Variants in STAB1 observed in about 807,000 individuals in gnomAD.
STAB1 encodes the protein stabilin 1.
A neutral mutation model predicts 332.4 loss-of-function variants in STAB1; 250 were observed. The observed-to-expected ratio is 0.75, with a 90% CI of 0.68 to 0.84. STAB1 has a LOEUF of 0.84. STAB1 is among the 40% of genes least tolerant of loss of function. The probability of loss-of-function intolerance (pLI) is 0.00; values close to 1 mark genes in which losing one functional copy is unlikely to be tolerated. For missense variants in STAB1, 3,249 were observed against 3,489.7 expected, an observed-to-expected ratio of 0.93 and a Z score of 1.74; for synonymous variants, 1,475 against 1,390.4, an observed-to-expected ratio of 1.06 and a Z score of -1.35.
chr3:52,523,360 GGCAGA>G lies in STAB1; in HGVS notation c.7140+27_7140+31del. 6.2e-7 allele frequency: 1 copy of G among 1,609,168 alleles called. No individual in the cohort carries two copies. Among genetic ancestry groups the G allele is most frequent in the African/African-American group, 1.3e-5 (1 of 75,062 alleles). On this transcript the variant is annotated intron_variant, in intron 64 of 68. Coordinates refer to ENST00000321725, the MANE Select transcript of STAB1 (RefSeq NM_015136.3). ...CAACATGGTAACCCCCAAGGGTGTG[GGCAGA>G]GCAGAGCCTGCATTGGCCATCTCCA...
intron 5 of STAB1, 72 bp downstream of exon 5, chr3:52,502,300 C>T: frequency 6.7e-7 from 1 of 1,483,464 alleles, no homozygotes; most frequent in Non-Finnish European, 9.2e-7. Flanking sequence ...GTACCTACAA[C>T]CAGCTCCCAC....
chr3:52,510,644 C>A, intron 25 of STAB1, 137 bp downstream of exon 25: 2 of 1,167,440 alleles, frequency 1.7e-6, no homozygotes, highest in Non-Finnish European at 2.4e-6. Context: ...TGCTGACATG[C>A]TGAGTAGTAG....
rs762242623 is a variant in STAB1, at chr3:52,523,406, C to G, written c.7141-21C>G. 1.2e-5 allele frequency: 19 copies of G among 1,609,678 alleles called. No homozygotes were observed. In the East Asian group the frequency reaches 3.6e-4, roughly 30 times the overall value. On this transcript the variant is annotated intron_variant, in intron 64 of 68. Coordinates refer to ENST00000321725, the MANE Select transcript of STAB1 (RefSeq NM_015136.3). The stretch of plus-strand genomic sequence containing the variant: ...GCCATCTCCATCTGGCCCAGGCCAA[C>G]AGGCCTTGCTCTGCTCACAGACGCT...
chr3:52,501,047 GA>G, intron 1 of STAB1, 118 bp from the exon 2 acceptor site: 4 of 1,407,332 alleles, frequency 2.8e-6, no homozygotes, highest in Non-Finnish European at 3.9e-6. Context: ...TGCTTACTCT[GA>G]CCCCTGAGCA....
rs1259854422 is a variant in STAB1, at chr3:52,524,124, T to C, written c.7567T>C (p.Phe2523Leu). 3 of 1,613,708 alleles carry C rather than the reference T, an allele frequency of 1.9e-6. No individual in the cohort carries two copies. The highest frequency in any genetic ancestry group is 2.5e-6 in the Non-Finnish European group (3 of 1,180,042). ...FQAEDDADDD[F>L]SPWQEGTNPT... The stretch of plus-strand genomic sequence containing the variant: ...GGCGGAAGATGATGCTGATGACGAC[T>C]TCTCACCGTGGCAAGAAGGGACCAA... Residue 2523 changes from phenylalanine to leucine, a missense_variant, in exon 68 of 69, where the codon TTC (phenylalanine) becomes CTC (leucine). By Grantham distance (22) the Phe-to-Leu change is conservative. Transcript: ENST00000321725.
At chr3:52,518,659 T>G (rs573521992) in intron 47 of STAB1, 46 bp downstream of exon 47, 1 of 1,611,398 alleles carries the variant, frequency 6.2e-7, no homozygotes, top group Admixed American at 1.7e-5. Flanking sequence ...GGTGCTCTGG[T>G]GGTGGCCCTG....
rs777217264 is a variant in STAB1, at chr3:52,520,380, C to T, written c.5500-20C>T. On this transcript the variant is annotated intron_variant, in intron 52 of 68. Transcript: ENST00000321725. ...GAGTGCACCTGCGACCCTTGCATAC[C>T]TCATATTCTCTCCTTGCAGGGTGAG... 2.5e-6 allele frequency: 4 copies of T among 1,612,270 alleles called. No homozygotes were observed. In the South Asian group the frequency reaches 3.3e-5, roughly 13 times the overall value.
chr3:52,505,760 C>T lies in STAB1; in HGVS notation c.1674C>T (p.Arg558=). 1.2e-6 allele frequency: 2 copies of T among 1,613,856 alleles called. No individual in the cohort carries two copies. The highest frequency in any genetic ancestry group is 1.1e-5 in the South Asian group (1 of 91,090). The part of the protein sequence containing the change: ...NEAVDSLRDG[R]LIYLFTAGLS... ...CTGTGGACAGCTTGCGTGACGGCCG[C>T]CTGATCTACCTCTTCACAGCGGTAA... Residue 558 remains arginine (R), a synonymous_variant, in exon 15 of 69, where the codon CGC becomes CGT. Transcript: ENST00000321725.
Position 52,503,064 on chromosome 3 carries a change from T to A in STAB1, c.649T>A (p.Cys217Ser). ...NTQCSAEAPS[C>S]RCLPGYTQQG... is the part of the protein sequence containing the mutation. ...CCAGTGCTCCGCAGAGGCTCCCAGC[T>A]GCAGGTGCCTGCCCGGCTACACACA... The change falls in exon 7 of 69, where the codon TGC becomes AGC. Residue 217 changes from cysteine (C) to serine (S), a missense_variant. Physicochemically the swap from Cys to Ser is moderately radical, Grantham distance 112. Transcript: ENST00000321725. 1.9e-6 allele frequency: 3 copies of A among 1,602,620 alleles called. No individual in the cohort carries two copies. The South Asian group carries it at 3.4e-5, about 18-fold the overall frequency.
Position 52,522,047 on chromosome 3 carries a change from G to C in STAB1, c.6282G>C (p.Leu2094=). The change falls in exon 59 of 69, where the codon CTG becomes CTC. Residue 2094 remains leucine, a synonymous_variant. Coordinates refer to ENST00000321725, the MANE Select transcript of STAB1 (RefSeq NM_015136.3). ...GDGRVCTVAD[L]CQDGHGGCSE... ...CCTCCCTGCCCTCAGTGGCAGACCT[G>C]TGCCAGGACGGGCATGGTGGCTGCA... 1 of 1,613,378 alleles carries C rather than the reference G, an allele frequency of 6.2e-7. No homozygotes were observed. The highest frequency in any genetic ancestry group is 8.5e-7 in the Non-Finnish European group (1 of 1,179,962).
Position 52,506,838 on chromosome 3 carries a change from C to T in STAB1, c.1977C>T (p.His659=). ...ILPKHCSEEQ[H]KIVAGSCVDC... is the part of the protein sequence containing the mutation. ...CCAAGCACTGCAGCGAGGAGCAGCA[C>T]AAGATTGTGGCGGTGAGCCTCGCCT... Residue 659 remains histidine (H), a synonymous_variant, in exon 18 of 69, where the codon CAC becomes CAT. Coordinates refer to ENST00000321725, the MANE Select transcript of STAB1 (RefSeq NM_015136.3). 2.5e-6 allele frequency: 4 copies of T among 1,613,010 alleles called. No homozygotes were observed. Among genetic ancestry groups the T allele is most frequent in the Non-Finnish European group, 3.4e-6 (4 of 1,179,902 alleles).
chr3:52,501,850 T>A, intron 3 of STAB1, 97 bp downstream of exon 3: 1 of 1,381,274 alleles, frequency 7.2e-7, no homozygotes, highest in South Asian at 1.2e-5. Context: ...CTTCAACTTG[T>A]TTGTTTAATT....
At chr3:52,519,703 C>T (rs183831292) in intron 50 of STAB1, 139 bp downstream of exon 50, 6 of 1,304,226 alleles carry the variant, frequency 4.6e-6, no homozygotes, top group East Asian at 5.1e-5. Context: ...CATGTGTGCA[C>T]AAGCCACATC....
rs1053092460 is a variant in STAB1, at chr3:52,521,097, C to T, written c.5908+92C>T. Reference sequence around the variant, plus strand: ...CATTGTCCTTGAGAGAGTGTTGGGGCGTCCAGGGCTGGGGAGCTCTGGGTG... The same window carrying T: ...CATTGTCCTTGAGAGAGTGTTGGGGTGTCCAGGGCTGGGGAGCTCTGGGTG... On this transcript the variant is annotated intron_variant, in intron 55 of 68. Transcript: ENST00000321725. The T allele has an allele frequency of 1.1e-5, 16 of 1,407,218 alleles. No homozygotes were observed. In the Middle Eastern group the frequency reaches 1.5e-3, roughly 130 times the overall value. 87.2% of individuals were successfully genotyped at this position (1,407,218 alleles called of 1,614,324 possible).
intron 44 of STAB1, 121 bp downstream of exon 44, chr3:52,517,745 T>C (rs1694213041): frequency 1.3e-6 from 2 of 1,558,638 alleles, no homozygotes. Flanking sequence ...TATCCTCCCG[T>C]CAAGCTCGAG....
chr3:52,520,585 C>A, intron 53 of STAB1, 36 bp downstream of exon 53: 2 of 1,612,030 alleles, frequency 1.2e-6, no homozygotes, highest in Non-Finnish European at 1.7e-6. Context: ...CAGAAGCCCA[C>A]CCCGCCTGTG....
At chr3:52,501,472 G>C in intron 2 of STAB1, 166 bp from the exon 3 acceptor site, 3 of 1,164,530 alleles carry the variant, frequency 2.6e-6, no homozygotes, top group Non-Finnish European at 3.6e-6. Flanking sequence ...AAGGCGAGGG[G>C]CAGGAGGGGT....
intron 22 of STAB1, 40 bp from the exon 23 acceptor site, chr3:52,509,830 C>G (rs1157859213): frequency 1.9e-6 from 3 of 1,610,916 alleles, no homozygotes; most frequent in South Asian, 1.1e-5. Context: ...AGCCCTGCCT[C>G]CTGCTTCTCA....
chr3:52,521,858 T>C lies in STAB1; in HGVS notation c.6178T>C (p.Cys2060Arg). ...CTGGGGGACAGAGCTGCAGCCTGTG[T>C]GTACCCCACCCTGTGCACCCGAGGC... ...CEVQLELQPVCTPPCAPEAVC... is the reference protein window; with the variant it reads ...CEVQLELQPVRTPPCAPEAVC... Residue 2060 changes from cysteine to arginine, a missense_variant, in exon 58 of 69, where the codon TGT becomes CGT. Transcript: ENST00000321725. 1 of 1,600,376 alleles carries C rather than the reference T, an allele frequency of 6.2e-7. No individual in the cohort carries two copies. The highest frequency in any genetic ancestry group is 8.5e-7 in the Non-Finnish European group (1 of 1,172,316).
Sources: gnomAD v4.1 joint callset for allele counts on GRCh38, gnomAD v4.1.1 for gene constraint, MANE v1.5 for transcripts, NCBI Gene and HGNC (gene_info 2026-07-23, HGNC 2026-07-21) for gene names.